GSK3B: variants seen among roughly 807,000 people sequenced by gnomAD.
GSK3B encodes the protein glycogen synthase kinase 3 beta.
In GSK3B, 15 loss-of-function variants were observed where a neutral mutation model predicts 56.4. The observed-to-expected ratio is 0.27, with a 90% CI of 0.18 to 0.41. The LOEUF (loss-of-function observed/expected upper bound fraction) is 0.41. Ranked by LOEUF, GSK3B falls within the 10% of genes least tolerant of loss-of-function variation. GSK3B has a pLI of 1.00. For synonymous variants in GSK3B, 181 were observed against 188.9 expected (o/e 0.96, Z 0.34); for missense variants, 300 against 513.4 (o/e 0.58, Z 4.02).
chr3:119,910,067 A>G (rs957719410), intron 6 of GSK3B, among the ~76,000 whole-genome samples: 27 of 152,218 alleles, frequency 1.8e-4, no homozygotes, highest in African/African-American at 6.0e-4. Context: ...AACTTAATGA[A>G]ATAACATTAA....
Position 120,023,469 on chromosome 3 carries a change from G to A in GSK3B, c.89-21230C>T, listed in dbSNP as rs550675390. Among the ~76,000 whole-genome samples, 11 of 151,704 alleles carry A rather than the reference G, an allele frequency of 7.3e-5. No homozygotes were observed. In the South Asian group the frequency reaches 1.0e-3, roughly 14 times the overall value. On this transcript the variant is annotated intron_variant, in intron 1 of 10. Transcript: ENST00000264235. ...AACTGAAACTAAATACCCATGTGAAGAGTCCCACAGAATATAAGGTTTTAA... is the reference window on the plus strand; with the variant it reads ...AACTGAAACTAAATACCCATGTGAAAAGTCCCACAGAATATAAGGTTTTAA...
intron 3 of GSK3B, among the ~76,000 whole-genome samples, chr3:119,939,472 T>C (rs988578507): frequency 9.8e-5 from 15 of 152,326 alleles, no homozygotes; most frequent in African/African-American, 3.6e-4. Context: ...CCAATGCTAA[T>C]TGATCATATA....
intron 1 of GSK3B, among the ~76,000 whole-genome samples, chr3:120,027,393 A>C (rs2057937526): frequency 6.6e-6 from 1 of 151,984 alleles, no homozygotes; most frequent in African/African-American, 2.4e-5. Flanking sequence ...AAAAAAAAAA[A>C]AGCAGAGCAA....
At chr3:120,039,963 G>A (rs889494943) in intron 1 of GSK3B, among the ~76,000 whole-genome samples, 37 of 152,160 alleles carry the variant, frequency 2.4e-4, no homozygotes, top group Non-Finnish European at 2.4e-4. Flanking sequence ...CCACTGCCTC[G>A]TTGCAGCAGC....
intron 1 of GSK3B, among the ~76,000 whole-genome samples, chr3:120,075,228 C>T (rs1025151771): frequency 1.3e-5 from 2 of 152,104 alleles, no homozygotes; most frequent in Non-Finnish European, 2.9e-5. Flanking sequence ...AAGGCAAGTT[C>T]CTCAGTATAA....
At chr3:120,084,681 T>TA (rs1429264179) in intron 1 of GSK3B, 1 of 152,192 alleles carries the variant, frequency 6.6e-6, no homozygotes, top group African/African-American at 2.4e-5. Flanking sequence ...AATAGAAAGT[T>TA]AAAAAATTAT....
intron 2 of GSK3B, among the ~76,000 whole-genome samples, chr3:119,960,737 C>T (rs2057263826): frequency 6.6e-6 from 1 of 152,168 alleles, no homozygotes; most frequent in Non-Finnish European, 1.5e-5. Flanking sequence ...AATCCTTAAA[C>T]CCCTTCATTA....
chr3:119,845,821 T>G (rs2055847561), intron 9 of GSK3B, among the ~76,000 whole-genome samples: 1 of 152,124 alleles, frequency 6.6e-6, no homozygotes, highest in African/African-American at 2.4e-5. Context: ...TACTTTAAAT[T>G]TCATATGGAA....
At chr3:119,950,135 G>A (rs2057142942) in intron 2 of GSK3B, among the ~76,000 whole-genome samples, 1 of 152,128 alleles carries the variant, frequency 6.6e-6, no homozygotes. Flanking sequence ...AAGAAAGAAT[G>A]TTATCTTAGA....
chr3:120,091,047 C>T (rs1375761751), intron 1 of GSK3B, among the ~76,000 whole-genome samples: 4 of 152,060 alleles, frequency 2.6e-5, no homozygotes, highest in Non-Finnish European at 5.9e-5. Flanking sequence ...ACACCTTGTC[C>T]GCAGGAAGTC....
At chr3:119,982,576 T>A (rs141612681) in intron 2 of GSK3B, among the ~76,000 whole-genome samples, 220 of 152,268 alleles carry the variant, frequency 1.4e-3, no homozygotes, top group African/African-American at 4.9e-3. Flanking sequence ...ATGCACAAGC[T>A]TCAATAGCTG....
At chr3:120,061,121 A>G (rs2058232531) in intron 1 of GSK3B, among the ~76,000 whole-genome samples, 1 of 152,254 alleles carries the variant, frequency 6.6e-6, no homozygotes, top group Admixed American at 6.5e-5. Context: ...GTGCTGACCA[A>G]GCGTTGCTTA....
intron 1 of GSK3B, among the ~76,000 whole-genome samples, chr3:120,092,786 T>C (rs923883303): frequency 2.6e-5 from 4 of 152,124 alleles, no homozygotes; most frequent in African/African-American, 2.4e-5. Context: ...CAAATGTGAA[T>C]GGTTACTGAG....
At chr3:119,840,144 A>G (rs2055751171) in intron 10 of GSK3B, among the ~76,000 whole-genome samples, 1 of 152,000 alleles carries the variant, frequency 6.6e-6, no homozygotes, top group African/African-American at 2.4e-5. Context: ...GAAAAGTCAT[A>G]GGTTCTTTTG....
chr3:120,044,377 G>A (rs2058086586), intron 1 of GSK3B, among the ~76,000 whole-genome samples: 2 of 152,054 alleles, frequency 1.3e-5, no homozygotes, highest in South Asian at 4.1e-4. Flanking sequence ...GGTATATGAT[G>A]GTATTGTGGT....
chr3:119,980,810 C>T (rs994602334), intron 2 of GSK3B, among the ~76,000 whole-genome samples: 6 of 152,170 alleles, frequency 3.9e-5, no homozygotes, highest in Non-Finnish European at 7.3e-5. Context: ...GAATGGTTAT[C>T]ATCTGTGACA....
intron 10 of GSK3B, among the ~76,000 whole-genome samples, chr3:119,828,627 T>C (rs1032594864): frequency 1.3e-5 from 2 of 152,210 alleles, no homozygotes; most frequent in African/African-American, 4.8e-5. Flanking sequence ...CCTGGATCTT[T>C]CTACTTTGAA....
At chr3:119,943,871 C>T (rs531652878) in intron 3 of GSK3B, among the ~76,000 whole-genome samples, 1 of 151,334 alleles carries the variant, frequency 6.6e-6, no homozygotes, top group South Asian at 2.1e-4. Flanking sequence ...AAGGGGGTGA[C>T]ACAGACCAAG....
chr3:119,961,440 C>T (rs1380204494), intron 2 of GSK3B, among the ~76,000 whole-genome samples: 1 of 152,008 alleles, frequency 6.6e-6, no homozygotes, highest in Non-Finnish European at 1.5e-5. Flanking sequence ...CCAGCCTGGC[C>T]AACATGGTGA....
Sources: gnomAD v4.1 joint callset for allele counts (sites outside exome capture counted in the v4.1 genomes callset) on GRCh38, gnomAD v4.1.1 for gene constraint, MANE v1.5 for transcripts, NCBI Gene and HGNC (gene_info 2026-07-23, HGNC 2026-07-21) for gene names.